The following CDC42EP3 variants were observed in gnomAD, a reference collection of about 807,000 sequenced individuals.
CDC42EP3 encodes the protein CDC42 effector protein (Rho GTPase binding) 3.
In CDC42EP3, 4 loss-of-function variants were observed where a neutral mutation model predicts 15.5. That is an observed-to-expected ratio of 0.26 (90% CI 0.13 to 0.59). The LOEUF is 0.59. Ranked by LOEUF, CDC42EP3 falls within the 20% of genes least tolerant of loss-of-function variation. The pLI is 0.89. For synonymous variants in CDC42EP3, 145 were observed against 130.3 expected (o/e 1.11, Z -0.77); for missense variants, 309 against 311.2 (o/e 0.99, Z 0.05).
At chr2:37,670,585 T>G (rs1005326617) in intron 1 of CDC42EP3, among the ~76,000 whole-genome samples, 1 of 152,066 alleles carries the variant, frequency 6.6e-6, no homozygotes, top group Non-Finnish European at 1.5e-5. Context: ...CTCCCGGCTT[T>G]GATGCTGCTG....
chr2:37,646,038 C>G lies in CDC42EP3; in HGVS notation c.550G>C (p.Gly184Arg). Reference protein sequence around the residue: ...SSGSASQSSQGRDSHSSSLSE... With the variant: ...SSGSASQSSQRRDSHSSSLSE... Reference sequence around the variant, plus strand: ...AGGCTGGAGGAGTGGCTGTCTCTGCCTTGGCTGGACTGAGATGCAGAACCG... The same window carrying G: ...AGGCTGGAGGAGTGGCTGTCTCTGCGTTGGCTGGACTGAGATGCAGAACCG... Residue 184 changes from glycine (G) to arginine (R), a missense_variant, in exon 2 of 2, where the codon GGC becomes CGC. By Grantham distance (125) the Gly-to-Arg change is moderately radical. Coordinates refer to ENST00000295324, the MANE Select transcript of CDC42EP3 (RefSeq NM_006449.5). 1 of 1,614,070 alleles carries G rather than the reference C, an allele frequency of 6.2e-7. No homozygotes were observed. The highest frequency in any genetic ancestry group is 8.5e-7 in the Non-Finnish European group (1 of 1,179,978).
At position 37,644,941 on chromosome 2, in the gene CDC42EP3, CCA is replaced by C. The variant is rs1034099608; in HGVS notation, c.*880_*881del. The C allele has an allele frequency of 2.6e-5, 4 of 151,980 alleles. No individual in the cohort carries two copies. Among genetic ancestry groups the C allele is most frequent in the Admixed American group, 2.6e-4 (4 of 15,280 alleles). The allele number at this position is 151,980 out of a possible 1,614,324, so 9.4% of individuals were successfully genotyped here. A position where few individuals can be genotyped will look rare whatever the true frequency, so the allele number is the denominator to read the frequency against. On this transcript the variant is annotated 3_prime_UTR_variant, in exon 2 of 2. Coordinates refer to ENST00000295324, the MANE Select transcript of CDC42EP3 (RefSeq NM_006449.5). ...TTCCAAATAACATATGTGGTGTAGCCCACAGTCTCTGCAGAAGCATCATGAGT... is the reference window on the plus strand; with the variant it reads ...TTCCAAATAACATATGTGGTGTAGCCCAGTCTCTGCAGAAGCATCATGAGT...
chr2:37,660,567 C>T (rs183716217), intron 1 of CDC42EP3, among the ~76,000 whole-genome samples: 59 of 152,276 alleles, frequency 3.9e-4, no homozygotes, highest in African/African-American at 1.0e-3. Flanking sequence ...AACAATCTAA[C>T]ATTTTTTTTC....
chr2:37,652,663 C>T (rs1315923610), intron 1 of CDC42EP3, among the ~76,000 whole-genome samples: 2 of 152,176 alleles, frequency 1.3e-5, no homozygotes, highest in East Asian at 3.9e-4. Flanking sequence ...ACCCTGGGCT[C>T]AAGCCATCCT....
chr2:37,642,820 C>T lies in CDC42EP3; in HGVS notation c.*3003G>A, dbSNP rs1359530524. 6.6e-6 allele frequency: 1 copy of T among 152,118 alleles called. No individual in the cohort carries two copies. The highest frequency in any genetic ancestry group is 6.5e-5 in the Admixed American group (1 of 15,276). The allele number at this position is 152,118 out of a possible 1,614,324, so 9.4% of individuals were successfully genotyped here. A position where few individuals can be genotyped will look rare whatever the true frequency, so the allele number is the denominator to read the frequency against. ...AGGACTAAACTGTGATTCTGGAGACCCGGGTTTCTCTTTGCTGTTCAACCA... is the reference window on the plus strand; with the variant it reads ...AGGACTAAACTGTGATTCTGGAGACTCGGGTTTCTCTTTGCTGTTCAACCA... On this transcript the variant is annotated 3_prime_UTR_variant, in exon 2 of 2. Transcript: ENST00000295324.
At chr2:37,650,522 T>C (rs921562890) in intron 1 of CDC42EP3, among the ~76,000 whole-genome samples, 1 of 152,176 alleles carries the variant, frequency 6.6e-6, no homozygotes, top group Non-Finnish European at 1.5e-5. Flanking sequence ...ACCCTTGACA[T>C]GGACTAGCTG....
upstream of CDC42EP3, chr2:37,672,591 T>C (rs772475720): frequency 6.6e-6 from 1 of 152,176 alleles, no homozygotes; most frequent in African/African-American, 2.4e-5. Flanking sequence ...ACCGGGTTAA[T>C]GAATGCTAAT....
chr2:37,664,789 A>G (rs892768465), intron 1 of CDC42EP3, among the ~76,000 whole-genome samples: 21 of 152,222 alleles, frequency 1.4e-4, no homozygotes, highest in African/African-American at 4.6e-4. Flanking sequence ...GGAGGCCATT[A>G]GTCTTAGCAA....
chr2:37,647,454 A>AAAGT (rs1558336639), intron 1 of CDC42EP3: 1 of 152,348 alleles, frequency 6.6e-6, no homozygotes, highest in East Asian at 1.9e-4. Context: ...AGGTTGTGGC[A>AAAGT]AAGTATTGGG....
At chr2:37,655,345 A>G (rs1452455077) in intron 1 of CDC42EP3, among the ~76,000 whole-genome samples, 3 of 152,242 alleles carry the variant, frequency 2.0e-5, no homozygotes, top group African/African-American at 7.2e-5. Flanking sequence ...CAGACCCACA[A>G]ATACCATATG....
chr2:37,660,981 G>A (rs1363427082), intron 1 of CDC42EP3, among the ~76,000 whole-genome samples: 1 of 152,154 alleles, frequency 6.6e-6, no homozygotes, highest in Non-Finnish European at 1.5e-5. Flanking sequence ...GAGTAAGGAA[G>A]AGCCTAAGGT....
intron 1 of CDC42EP3, among the ~76,000 whole-genome samples, chr2:37,651,218 G>C (rs932154884): frequency 6.6e-6 from 1 of 152,224 alleles, no homozygotes; most frequent in African/African-American, 2.4e-5. Context: ...AGTAATAATA[G>C]TGACTGTCCA....
chr2:37,653,594 G>C (rs1665755969), intron 1 of CDC42EP3, among the ~76,000 whole-genome samples: 1 of 152,046 alleles, frequency 6.6e-6, no homozygotes. Context: ...AAAAATGACA[G>C]ACAGAAAAAT....
rs546950923 is a variant in CDC42EP3 at position 37,648,513 on chromosome 2, C to T, written c.-235-1691G>A. On this transcript the variant is annotated intron_variant, in intron 1 of 1. Transcript: ENST00000295324. Reference sequence around the variant, plus strand: ...TTGGGAAGCAGCTAGCTCAGCGTGTCAGCATGCTGGCCAGCAACCCAGGCC... The same window carrying T: ...TTGGGAAGCAGCTAGCTCAGCGTGTTAGCATGCTGGCCAGCAACCCAGGCC... Among the ~76,000 whole-genome samples the T allele has an allele frequency of 3.3e-5, 5 of 152,350 alleles. No homozygotes were observed. In the East Asian group the frequency reaches 9.6e-4, roughly 29 times the overall value.
chr2:37,651,535 C>A (rs190834340), intron 1 of CDC42EP3, among the ~76,000 whole-genome samples: 1 of 152,336 alleles, frequency 6.6e-6, no homozygotes, highest in East Asian at 1.9e-4. Flanking sequence ...GCCTGAGCCA[C>A]GTCTCCCCTG....
intron 1 of CDC42EP3, among the ~76,000 whole-genome samples, chr2:37,662,661 G>GT (rs1666101592): frequency 6.6e-6 from 1 of 152,148 alleles, no homozygotes; most frequent in Non-Finnish European, 1.5e-5. Flanking sequence ...CCATCCCAGG[G>GT]TGAGCCCACA....
intron 1 of CDC42EP3, among the ~76,000 whole-genome samples, chr2:37,659,486 T>TA (rs1270443301): frequency 3.3e-5 from 5 of 152,196 alleles, no homozygotes; most frequent in Non-Finnish European, 7.4e-5. Context: ...AATATACAGA[T>TA]AAAAAATATA....
At chr2:37,664,607 A>G (rs953988851) in intron 1 of CDC42EP3, among the ~76,000 whole-genome samples, 5 of 152,230 alleles carry the variant, frequency 3.3e-5, no homozygotes, top group Admixed American at 3.3e-4. Flanking sequence ...CTGAGGAGAT[A>G]TGCTACAGAA....
chr2:37,655,472 C>T (rs1665817949), intron 1 of CDC42EP3, among the ~76,000 whole-genome samples: 1 of 152,190 alleles, frequency 6.6e-6, no homozygotes, highest in Non-Finnish European at 1.5e-5. Context: ...CAAGTCTGCA[C>T]TTTTGAACAG....
Sources: gnomAD v4.1 joint callset for allele counts (sites outside exome capture counted in the v4.1 genomes callset) on GRCh38, gnomAD v4.1.1 for gene constraint, MANE v1.5 for transcripts, NCBI Gene and HGNC (gene_info 2026-07-23, HGNC 2026-07-21) for gene names.